The following SH3GL1 variants were observed in gnomAD, a reference collection of about 807,000 sequenced individuals.
The protein encoded by SH3GL1 is SH3 domain containing GRB2 like 1, endophilin A2.
Under a neutral mutation model 48.8 loss-of-function variants are expected in SH3GL1, and 21 were observed. That is an observed-to-expected ratio of 0.43 (90% CI 0.30 to 0.62). The LOEUF (loss-of-function observed/expected upper bound fraction) is 0.62, where lower values mean the gene tolerates loss of function less well. SH3GL1 is among the 20% of genes least tolerant of loss of function. The pLI, the probability that SH3GL1 is intolerant of heterozygous loss-of-function variation, is 0.11. For missense variants in SH3GL1, 454 were observed against 503.0 expected (o/e 0.90, Z 0.93); for synonymous variants, 282 against 217.5 (o/e 1.30, Z -2.61).
chr19:4,396,432 CAT>C (rs1350185757), intron 1 of SH3GL1, among the ~76,000 whole-genome samples: 2 of 152,176 alleles, frequency 1.3e-5, no homozygotes, highest in East Asian at 1.9e-4. Flanking sequence ...ACAAACTACA[CAT>C]GTGGCTATCT....
Position 4,363,895 on chromosome 19 carries a change from C to T in SH3GL1, c.466-17G>A. The stretch of plus-strand genomic sequence containing the variant: ...CAGGTGGTGCTGGAGACGTGGGGGA[C>T]ATGGGTCACACCAGTAGCGGCCAGA... On this transcript the variant is annotated splice_polypyrimidine_tract_variant and intron_variant, in intron 5 of 9. Coordinates refer to ENST00000269886, the MANE Select transcript of SH3GL1 (RefSeq NM_003025.4). The T allele has an allele frequency of 1.2e-6, 2 of 1,611,786 alleles. No individual in the cohort carries two copies. Among genetic ancestry groups the T allele is most frequent in the African/African-American group, 1.3e-5 (1 of 75,002 alleles).
At chr19:4,398,386 C>CTT (rs759551725) in intron 1 of SH3GL1, among the ~76,000 whole-genome samples, 5 of 144,154 alleles carry the variant, frequency 3.5e-5, no homozygotes, top group African/African-American at 7.6e-5. Flanking sequence ...GGCTTCTTGT[C>CTT]TTTTTTTTTT....
chr19:4,379,640 T>C (rs1293936764), intron 1 of SH3GL1, among the ~76,000 whole-genome samples: 1 of 151,970 alleles, frequency 6.6e-6, no homozygotes, highest in Non-Finnish European at 1.5e-5. Context: ...CAGCTGCCCA[T>C]CCTGAACGCA....
In SH3GL1 at chr19:4,361,379, T is replaced by C; in HGVS notation, c.*221A>G. On this transcript the variant is annotated 3_prime_UTR_variant, in exon 10 of 10. Coordinates refer to ENST00000269886, the MANE Select transcript of SH3GL1 (RefSeq NM_003025.4). Reference sequence around the variant, plus strand: ...GAGTGGGGAAGGGAGCCGTCACCGTTGGGAGTCAGCGCTAGTGTAAACAGG... The same window carrying C: ...GAGTGGGGAAGGGAGCCGTCACCGTCGGGAGTCAGCGCTAGTGTAAACAGG... 1.8e-6 allele frequency: 1 copy of C among 559,928 alleles called. No homozygotes were observed. Among genetic ancestry groups the C allele is most frequent in the South Asian group, 2.3e-5 (1 of 44,418 alleles). 34.7% of individuals were successfully genotyped at this position (559,928 alleles called of 1,614,324 possible).
At chr19:4,398,655 G>A (rs1973465203) in intron 1 of SH3GL1, among the ~76,000 whole-genome samples, 1 of 152,176 alleles carries the variant, frequency 6.6e-6, no homozygotes, top group South Asian at 2.1e-4. Context: ...TTCCAGGCAT[G>A]AGCCACCGCG....
Position 4,364,224 on chromosome 19 carries a change from G to T in SH3GL1, c.332-3C>A. 6.2e-7 allele frequency: 1 copy of T among 1,613,880 alleles called. No homozygotes were observed. The highest frequency in any genetic ancestry group is 8.5e-7 in the Non-Finnish European group (1 of 1,180,034). ...GCCGGCATCCAGCAATGCGTCACCTGTGGAGAAGTGGTGGGGGAAGCCATC... is the reference window on the plus strand; with the variant it reads ...GCCGGCATCCAGCAATGCGTCACCTTTGGAGAAGTGGTGGGGGAAGCCATC... On this transcript the variant is annotated splice_region_variant and splice_polypyrimidine_tract_variant and intron_variant, in intron 4 of 9. Coordinates refer to ENST00000269886, the MANE Select transcript of SH3GL1 (RefSeq NM_003025.4).
At chr19:4,363,083 G>C (rs1972668570) in intron 7 of SH3GL1, among the ~76,000 whole-genome samples, 1 of 152,196 alleles carries the variant, frequency 6.6e-6, no homozygotes, top group Non-Finnish European at 1.5e-5. Flanking sequence ...TCTGGCCTCT[G>C]CATTCAGGGA....
chr19:4,361,521 G>T lies in SH3GL1; in HGVS notation c.*79C>A. On this transcript the variant is annotated 3_prime_UTR_variant, in exon 10 of 10. Coordinates refer to ENST00000269886, the MANE Select transcript of SH3GL1 (RefSeq NM_003025.4). ...GGCTCAGACACCGCCCTGGCAGCAG[G>T]GGCTCCGTGGAATGCAGGAGACCCA... 8.7e-7 allele frequency: 1 copy of T among 1,150,918 alleles called. No individual in the cohort carries two copies. The highest frequency in any genetic ancestry group is 2.5e-5 in the East Asian group (1 of 40,346). 71.3% of individuals were successfully genotyped at this position (1,150,918 alleles called of 1,614,324 possible). A position where few individuals can be genotyped will look rare whatever the true frequency, so the allele number is the denominator to read the frequency against.
At chr19:4,362,238 G>A (rs1480675689) in intron 9 of SH3GL1, 91 bp downstream of exon 9, 2 of 1,321,532 alleles carry the variant, frequency 1.5e-6, no homozygotes, top group Non-Finnish European at 2.1e-6. Context: ...CCCTGCTTGA[G>A]ATGGGCAGAG....
In SH3GL1 at chr19:4,400,401, C is replaced by G. The variant is rs1022652025; in HGVS notation, c.-33G>C. 3.2e-6 allele frequency: 5 copies of G among 1,566,314 alleles called. No individual in the cohort carries two copies. The highest frequency in any genetic ancestry group is 4.3e-6 in the Non-Finnish European group (5 of 1,162,024). ...CCCGCCGCCGAGCCTCCCGCCCGGA[C>G]CGCGCCAGCGACAGGCTCCCGGGCG... On this transcript the variant is annotated 5_prime_UTR_variant, in exon 1 of 10. Coordinates refer to ENST00000269886, the MANE Select transcript of SH3GL1 (RefSeq NM_003025.4). This position sits in a 1 kb window ranked among gnomAD's most constrained non-coding sequence, Gnocchi z 4.1.
chr19:4,395,213 T>C (rs1228360302), intron 1 of SH3GL1, among the ~76,000 whole-genome samples: 1 of 152,164 alleles, frequency 6.6e-6, no homozygotes, highest in African/African-American at 2.4e-5. Context: ...TGGAGTGCAG[T>C]GCTACAATCA....
intron 1 of SH3GL1, among the ~76,000 whole-genome samples, chr19:4,398,707 T>C (rs1034393475): frequency 6.6e-6 from 1 of 152,194 alleles, no homozygotes; most frequent in African/African-American, 2.4e-5. Context: ...AATTGCAAAG[T>C]GAAAATTTTA....
At chr19:4,379,596 C>A (rs1366564673) in intron 1 of SH3GL1, among the ~76,000 whole-genome samples, 3 of 152,136 alleles carry the variant, frequency 2.0e-5, no homozygotes, top group Non-Finnish European at 4.4e-5. Context: ...AATCAACCTG[C>A]ATTCCTGTCT....
At chr19:4,363,622 C>T in intron 6 of SH3GL1, 98 bp downstream of exon 6, 2 of 1,525,676 alleles carry the variant, frequency 1.3e-6, no homozygotes, top group Non-Finnish European at 9.1e-7. Context: ...CTGCAGCGGC[C>T]AGGTAGGTGC....
At chr19:4,399,788 C>T (rs979518984) in intron 1 of SH3GL1, among the ~76,000 whole-genome samples, 3 of 152,342 alleles carry the variant, frequency 2.0e-5, no homozygotes, top group East Asian at 3.9e-4. Context: ...ACACACGTAT[C>T]TTAGGAAAGG....
At chr19:4,399,575 T>C (rs1043358365) in intron 1 of SH3GL1, among the ~76,000 whole-genome samples, 1 of 151,630 alleles carries the variant, frequency 6.6e-6, no homozygotes. Flanking sequence ...TGGCCCGGAG[T>C]GGGTGGAGGC....
chr19:4,373,629 A>AG (rs1972946935), intron 1 of SH3GL1, among the ~76,000 whole-genome samples: 1 of 152,166 alleles, frequency 6.6e-6, no homozygotes, highest in African/African-American at 2.4e-5. Context: ...TGGCAGCAAA[A>AG]GGACAGTGGC....
chr19:4,392,097 C>A (rs1459315304), intron 1 of SH3GL1, among the ~76,000 whole-genome samples: 1 of 152,150 alleles, frequency 6.6e-6, no homozygotes, highest in African/African-American at 2.4e-5. Context: ...CGGCCTTGTC[C>A]CGGGCACAGC....
intron 1 of SH3GL1, among the ~76,000 whole-genome samples, chr19:4,375,447 G>A (rs1437262241): frequency 2.0e-5 from 3 of 152,270 alleles, no homozygotes; most frequent in South Asian, 2.1e-4. Flanking sequence ...AGGGCTGGGC[G>A]AGGAATCTGG....
Sources: allele counts gnomAD v4.1 joint callset (sites outside exome capture counted in the v4.1 genomes callset), GRCh38; gene constraint gnomAD v4.1.1; non-coding constraint Gnocchi (gnomAD v3.1); transcripts MANE v1.5; gene names NCBI Gene and HGNC (gene_info 2026-07-23, HGNC 2026-07-21).